Variants in ENKUR observed in about 807,000 individuals in gnomAD.
ENKUR encodes the protein enkurin, TRPC channel interacting protein.
ENKUR carries 19 observed loss-of-function variants against 27.6 expected under a neutral mutation model. That is an observed-to-expected ratio of 0.69 (90% CI 0.48 to 1.01). The LOEUF (loss-of-function observed/expected upper bound fraction) is 1.01. ENKUR is among the 50% of genes least tolerant of loss of function. The probability of loss-of-function intolerance (pLI) is 0.00; values close to 1 mark genes in which losing one functional copy is unlikely to be tolerated. For synonymous variants in ENKUR, 117 were observed against 96.9 expected (o/e 1.21, Z -1.22); for missense variants, 312 against 310.5 (o/e 1.00, Z -0.04).
chr10:24,990,641 TA>T (rs1420540724), intron 3 of ENKUR, 32 bp from the exon 4 acceptor site: 18 of 1,580,566 alleles, frequency 1.1e-5, no homozygotes, highest in Non-Finnish European at 1.5e-5. Flanking sequence ...AAGTAATCAA[TA>T]TTTTGTATGC....
chr10:25,020,200 C>A (rs1353432469), upstream of ENKUR, among the ~76,000 whole-genome samples: 1 of 150,510 alleles, frequency 6.6e-6, no homozygotes, highest in Non-Finnish European at 1.5e-5. Flanking sequence ...AATATTGATA[C>A]AGAATTTACA....
chr10:25,045,290 A>G (rs763238383), intron 2 of ENKUR, among the ~76,000 whole-genome samples: 4 of 152,192 alleles, frequency 2.6e-5, no homozygotes, highest in African/African-American at 4.8e-5. Context: ...AATTTCTTCC[A>G]GTGTATTCTT....
chr10:24,992,382 G>A (rs1849946627), intron 3 of ENKUR, among the ~76,000 whole-genome samples: 1 of 152,150 alleles, frequency 6.6e-6, no homozygotes, highest in Admixed American at 6.5e-5. Flanking sequence ...GCAGCAGTTG[G>A]GAGGTATGGT....
At chr10:25,054,158 C>T (rs533227373) in intron 2 of ENKUR, among the ~76,000 whole-genome samples, 10 of 152,292 alleles carry the variant, frequency 6.6e-5, no homozygotes, top group Admixed American at 2.6e-4. Context: ...TGGTGGCGCA[C>T]GCCTATAATC....
At chr10:25,005,918 T>C (rs1353032110) in intron 1 of ENKUR, among the ~76,000 whole-genome samples, 1 of 152,238 alleles carries the variant, frequency 6.6e-6, no homozygotes, top group African/African-American at 2.4e-5. Context: ...ACATCTGTGC[T>C]GTGTAATATA....
intron 1 of ENKUR, 112 bp downstream of exon 1, chr10:25,015,748 G>A (rs73608223): frequency 0.013 from 13,140 of 1,000,646 alleles, 282 homozygotes; most frequent in African/African-American, 0.08. Flanking sequence ...CTACTTCATC[G>A]AGGCAAAAAT....
intron 2 of ENKUR, among the ~76,000 whole-genome samples, chr10:25,049,779 G>A (rs1315071899): frequency 1.3e-4 from 13 of 100,674 alleles, no homozygotes; most frequent in South Asian, 1.2e-3. Flanking sequence ...GTGAGACTCC[G>A]TCTCAAAAAA....
chr10:24,993,303 T>G (rs1045079967), intron 3 of ENKUR, among the ~76,000 whole-genome samples: 3 of 152,230 alleles, frequency 2.0e-5, no homozygotes, highest in Admixed American at 6.5e-5. Flanking sequence ...ATTCACTCTT[T>G]GTTCTTTTAT....
rs373755643 is a variant in ENKUR at position 25,040,006 on chromosome 10, C to T, written c.37+21106G>A. ...TTGGTGCTGGCTGCTGGCCGTGGTA[C>T]GTACTCTGTTCTTCTCTGTGTGTCT... On this transcript the variant is annotated intron_variant, in intron 2 of 5. Coordinates refer to the ENKUR transcript ENST00000615958. Among the ~76,000 whole-genome samples, 7 of 82,534 alleles carry T rather than the reference C, an allele frequency of 8.5e-5. No individual in the cohort carries two copies. In the East Asian group the frequency reaches 1.8e-3, roughly 21 times the overall value. The allele number at this position is 82,534 out of a possible 152,430, so 54.1% of individuals were successfully genotyped here.
At chr10:25,054,534 T>C (rs57522042) in intron 2 of ENKUR, among the ~76,000 whole-genome samples, 1,787 of 140,234 alleles carry the variant, frequency 0.013, 50 homozygotes, top group African/African-American at 0.044. Context: ...TTCTTTCCTT[T>C]CTTTCTTTCT....
At position 25,043,538 on chromosome 10, in the gene ENKUR, T is replaced by C. The variant is rs560236479; in HGVS notation, c.37+17574A>G. The stretch of plus-strand genomic sequence containing the variant: ...AGAGTCTCTCTTTGTCTTTACTTTT[T>C]AGAAGTGTGGCCATAATATGCCTAT... On this transcript the variant is annotated intron_variant, in intron 2 of 5. Coordinates refer to the ENKUR transcript ENST00000615958. Among the ~76,000 whole-genome samples the C allele has an allele frequency of 2.4e-4, 37 of 152,306 alleles. 1 individual carries two copies. The highest frequency in any genetic ancestry group is 8.9e-4 in the African/African-American group (37 of 41,588).
intron 2 of ENKUR, among the ~76,000 whole-genome samples, chr10:25,046,545 C>T (rs1261900243): frequency 3.3e-5 from 5 of 152,174 alleles, no homozygotes; most frequent in Admixed American, 2.0e-4. Flanking sequence ...TTATCACCAG[C>T]GTCAAGACCA....
upstream of ENKUR, chr10:25,016,540 T>C (rs1284950871): frequency 2.0e-5 from 3 of 152,086 alleles, no homozygotes; most frequent in African/African-American, 4.8e-5. Flanking sequence ...CCTGAGGAGA[T>C]CGGAGTGCTC....
At chr10:25,023,889 A>C in intron 2 of ENKUR, 2 of 1,614,198 alleles carry the variant, frequency 1.2e-6, no homozygotes, top group Non-Finnish European at 1.7e-6. Context: ...CAATTAAAAG[A>C]TACCAAGATG....
chr10:25,029,784 C>T (rs555612003), intron 2 of ENKUR, among the ~76,000 whole-genome samples: 24 of 152,198 alleles, frequency 1.6e-4, no homozygotes, highest in African/African-American at 5.8e-4. Context: ...AAAAGCCAAG[C>T]CAAGAAAGTT....
In ENKUR at chr10:25,046,141, G is replaced by A. The variant is rs563435722; in HGVS notation, c.37+14971C>T. Among the ~76,000 whole-genome samples the A allele has an allele frequency of 7.9e-5, 12 of 152,224 alleles. No homozygotes were observed. In the South Asian group the frequency reaches 2.5e-3, roughly 32 times the overall value. On this transcript the variant is annotated intron_variant, in intron 2 of 5. Coordinates refer to the ENKUR transcript ENST00000615958. ...GCAAAGCTTAGCAAATGCTATGAGAGGTTTATTAATTATTATAACTCAATC... is the reference window on the plus strand; with the variant it reads ...GCAAAGCTTAGCAAATGCTATGAGAAGTTTATTAATTATTATAACTCAATC...
At chr10:25,031,501 C>T (rs1850934969) in intron 2 of ENKUR, among the ~76,000 whole-genome samples, 1 of 152,152 alleles carries the variant, frequency 6.6e-6, no homozygotes, top group Non-Finnish European at 1.5e-5. Flanking sequence ...AGTCAACCCA[C>T]AGAACATTGA....
intron 2 of ENKUR, among the ~76,000 whole-genome samples, chr10:25,051,821 G>T (rs1006046371): frequency 3.9e-5 from 6 of 152,198 alleles, no homozygotes; most frequent in African/African-American, 1.4e-4. Context: ...AGAACGAGGA[G>T]TACAGAGGCT....
chr10:24,993,983 A>G (rs1021366582), intron 3 of ENKUR, among the ~76,000 whole-genome samples: 4 of 152,176 alleles, frequency 2.6e-5, no homozygotes, highest in Non-Finnish European at 5.9e-5. Flanking sequence ...TGGGACAACG[A>G]CTATAAAACA....
Sources: allele counts gnomAD v4.1 joint callset (sites outside exome capture counted in the v4.1 genomes callset), GRCh38; gene constraint gnomAD v4.1.1; transcripts MANE v1.5; gene names NCBI Gene and HGNC (gene_info 2026-07-23, HGNC 2026-07-21).